The following DLGAP2 variants were observed in gnomAD, a reference collection of about 807,000 sequenced individuals.
The protein encoded by DLGAP2 is DLG associated protein 2, also known as disks large-associated protein 2.
Under a neutral mutation model 100.3 loss-of-function variants are expected in DLGAP2, and 26 were observed. The ratio of observed to expected loss-of-function variants is 0.26; its 90% CI spans 0.19 to 0.36. DLGAP2 has a LOEUF of 0.36. Among genes scored for constraint, DLGAP2 ranks in the 10% least tolerant of loss-of-function variants. The pLI, the probability that DLGAP2 is intolerant of heterozygous loss-of-function variation, is 1.00. For synonymous variants in DLGAP2, 886 were observed against 630.1 expected, an observed-to-expected ratio of 1.41 and a Z score of -6.08; for missense variants, 1,858 against 1,453.2, an observed-to-expected ratio of 1.28 and a Z score of -4.53.
At chr8:872,850 G>A (rs557621101) in intron 1 of DLGAP2, among the ~76,000 whole-genome samples, 11 of 152,144 alleles carry the variant, frequency 7.2e-5, no homozygotes, top group Non-Finnish European at 8.8e-5. Flanking sequence ...TATCAGCACA[G>A]TCAGTCCTCA....
In DLGAP2 at chr8:1,577,054, T is replaced by A. The variant is rs573185306; in HGVS notation, c.1442+11160T>A. Among the ~76,000 whole-genome samples, 5 of 152,310 alleles carry A rather than the reference T, an allele frequency of 3.3e-5. No individual in the cohort carries two copies. In the South Asian group the frequency reaches 1.0e-3, roughly 32 times the overall value. ...CTACAGTAACCGAGACAGGAGGATA[T>A]TCTTCATGTTTTTAGATCAGTAGCA... On this transcript the variant is annotated intron_variant, in intron 6 of 14. Transcript: ENST00000637795.
intron 2 of DLGAP2, among the ~76,000 whole-genome samples, chr8:1,123,987 G>A (rs1262047336): frequency 6.6e-6 from 1 of 151,792 alleles, no homozygotes; most frequent in Non-Finnish European, 1.5e-5. Context: ...TTCCTTGCCT[G>A]TTTTTGGAGG....
intron 8 of DLGAP2, among the ~76,000 whole-genome samples, chr8:1,634,154 T>C (rs915799044): frequency 1.1e-4 from 17 of 152,250 alleles, no homozygotes; most frequent in Non-Finnish European, 2.2e-4. Context: ...AACTTAGGCT[T>C]GTTAACGTTT....
chr8:1,653,332 G>A (rs891611117), intron 8 of DLGAP2, among the ~76,000 whole-genome samples: 17 of 152,206 alleles, frequency 1.1e-4, no homozygotes, highest in Non-Finnish European at 1.6e-4. Flanking sequence ...TCCTCACCCC[G>A]CTCACGGGGA....
intron 3 of DLGAP2, among the ~76,000 whole-genome samples, chr8:1,274,828 C>G (rs778414385): frequency 2.7e-5 from 4 of 150,212 alleles, no homozygotes; most frequent in African/African-American, 4.9e-5. Context: ...AAGAAACCCT[C>G]TTTCTCTTAA....
chr8:1,100,624 C>T (rs1259738693), intron 2 of DLGAP2, among the ~76,000 whole-genome samples: 1 of 152,184 alleles, frequency 6.6e-6, no homozygotes, highest in Non-Finnish European at 1.5e-5. Flanking sequence ...GAAGGTAGGT[C>T]ACACACTTAG....
intron 1 of DLGAP2, among the ~76,000 whole-genome samples, chr8:755,509 A>G (rs180731300): frequency 2.6e-5 from 4 of 152,352 alleles, no homozygotes; most frequent in African/African-American, 9.6e-5. Flanking sequence ...CATGTTTTTA[A>G]TAATCTTAAT....
At chr8:806,371 C>T (rs1015344859) in intron 1 of DLGAP2, among the ~76,000 whole-genome samples, 1 of 152,198 alleles carries the variant, frequency 6.6e-6, no homozygotes, top group African/African-American at 2.4e-5. Flanking sequence ...AGCAGCCGTG[C>T]CGCCAGTCGT....
At chr8:1,655,630 C>T (rs1798266204) in intron 8 of DLGAP2, among the ~76,000 whole-genome samples, 1 of 152,238 alleles carries the variant, frequency 6.6e-6, no homozygotes, top group Non-Finnish European at 1.5e-5. Context: ...GATGGATTCA[C>T]ATTTGCGATT....
intron 3 of DLGAP2, among the ~76,000 whole-genome samples, chr8:1,464,563 C>T (rs1321462164): frequency 1.3e-5 from 2 of 152,086 alleles, no homozygotes; most frequent in Non-Finnish European, 2.9e-5. Flanking sequence ...CGACTCCCTT[C>T]CAGGACGGCT....
In DLGAP2 at chr8:1,152,503, T is replaced by G. The variant is rs191632974; in HGVS notation, c.74-106348T>G. Among the ~76,000 whole-genome samples, 373 of 152,214 alleles carry G rather than the reference T, an allele frequency of 2.5e-3. 8 individuals are homozygous for G. Among genetic ancestry groups the G allele is most frequent in the Admixed American group, 0.021 (327 of 15,288 alleles). On this transcript the variant is annotated intron_variant, in intron 2 of 14. Coordinates refer to ENST00000637795, the MANE Select transcript of DLGAP2 (RefSeq NM_001346810.2). ...ATCTGGTCATAGTGAAATAGGAAAA[T>G]GTATGTTCATTCCTCTCCCAAAGGC...
intron 3 of DLGAP2, among the ~76,000 whole-genome samples, chr8:1,466,729 T>C (rs568483292): frequency 6.6e-6 from 1 of 152,124 alleles, no homozygotes; most frequent in South Asian, 2.1e-4. Flanking sequence ...CAGCTCTCAG[T>C]GAGAGGAAGG....
At chr8:1,589,714 G>T (rs1013471716) in intron 6 of DLGAP2, among the ~76,000 whole-genome samples, 11 of 152,196 alleles carry the variant, frequency 7.2e-5, no homozygotes, top group African/African-American at 2.4e-4. Context: ...TGTTTTTAAA[G>T]AAGATGTACA....
At chr8:1,376,568 C>T (rs1489184498) in intron 3 of DLGAP2, among the ~76,000 whole-genome samples, 3 of 152,214 alleles carry the variant, frequency 2.0e-5, no homozygotes, top group African/African-American at 7.2e-5. Context: ...AGCTGCTCTC[C>T]TCCTGCTGAA....
chr8:1,208,302 C>G (rs955040697), intron 2 of DLGAP2, among the ~76,000 whole-genome samples: 2 of 152,116 alleles, frequency 1.3e-5, no homozygotes, highest in Non-Finnish European at 2.9e-5. Flanking sequence ...TATCCCAGGA[C>G]CATTTGTTGA....
At chr8:1,005,203 T>C (rs2129019115) in intron 2 of DLGAP2, among the ~76,000 whole-genome samples, 1 of 152,280 alleles carries the variant, frequency 6.6e-6, no homozygotes, top group East Asian at 1.9e-4. Flanking sequence ...TTGGAGCCCT[T>C]TCTGTTTTCC....
intron 2 of DLGAP2, among the ~76,000 whole-genome samples, chr8:920,797 A>C (rs963981855): frequency 3.3e-5 from 5 of 152,228 alleles, no homozygotes; most frequent in Non-Finnish European, 7.3e-5. Flanking sequence ...AAGATATAAA[A>C]AAAAATAAAT....
intron 2 of DLGAP2, among the ~76,000 whole-genome samples, chr8:918,619 G>A (rs1384860766): frequency 6.6e-6 from 1 of 152,212 alleles, no homozygotes; most frequent in African/African-American, 2.4e-5. Flanking sequence ...AGACTGTGGT[G>A]ATACCTTGTG....
intron 2 of DLGAP2, among the ~76,000 whole-genome samples, chr8:1,143,738 C>G (rs1161971000): frequency 6.6e-6 from 1 of 152,220 alleles, no homozygotes. Context: ...ACCTTGTTCT[C>G]TGTTCTTTCA....
Sources: allele counts gnomAD v4.1 joint callset (sites outside exome capture counted in the v4.1 genomes callset), GRCh38; gene constraint gnomAD v4.1.1; transcripts MANE v1.5; gene names NCBI Gene and HGNC (gene_info 2026-07-23, HGNC 2026-07-21).